Variants in BET1 observed in about 807,000 individuals in gnomAD.
The protein encoded by BET1 is Bet1 golgi vesicular membrane trafficking protein, also known as BET1 homolog.
BET1 carries 9 observed loss-of-function variants against 13.9 expected under a neutral mutation model. That is an observed-to-expected ratio of 0.65 (90% CI 0.39 to 1.13). The LOEUF is 1.13. Ranked by LOEUF, BET1 falls within the 50% of genes most tolerant of loss-of-function variation. The probability of loss-of-function intolerance (pLI) is 0.01; values close to 1 mark genes in which losing one functional copy is unlikely to be tolerated. For synonymous variants in BET1, 39 were observed against 47.3 expected (o/e 0.82, Z 0.72); for missense variants, 127 against 133.6 (o/e 0.95, Z 0.24).
intron 4 of BET1, among the ~76,000 whole-genome samples, chr7:93,977,934 C>G (rs1040444306): frequency 3.3e-5 from 5 of 152,242 alleles, no homozygotes; most frequent in East Asian, 1.9e-4. Flanking sequence ...CACTTAGGAA[C>G]CTTCAATTCC....
intron 6 of BET1, among the ~76,000 whole-genome samples, chr7:93,971,865 G>T (rs1795263111): frequency 6.6e-6 from 1 of 151,078 alleles, no homozygotes; most frequent in Admixed American, 6.6e-5. Flanking sequence ...GAATTTTAAA[G>T]GTGCAGATAA....
chr7:93,997,210 C>T (rs139650086), intron 2 of BET1, among the ~76,000 whole-genome samples: 142 of 152,226 alleles, frequency 9.3e-4, no homozygotes, highest in African/African-American at 3.4e-3. Context: ...TGGTAAATCA[C>T]TGCAAATATT....
chr7:93,994,210 C>A lies in BET1; in HGVS notation c.*20G>T. 6.3e-7 allele frequency: 1 copy of A among 1,580,304 alleles called. No individual in the cohort carries two copies. The highest frequency in any genetic ancestry group is 1.4e-5 in the African/African-American group (1 of 73,592). ...CAAGCCATTAAGTTGGAACAAATTC[C>A]AAATTCACAATTACATGCATCACCT... On this transcript the variant is annotated 3_prime_UTR_variant, in exon 4 of 4. Coordinates refer to ENST00000222547, the MANE Select transcript of BET1 (RefSeq NM_005868.6).
chr7:93,981,811 T>C (rs1323970259), intron 4 of BET1, among the ~76,000 whole-genome samples: 1 of 152,180 alleles, frequency 6.6e-6, no homozygotes, highest in Non-Finnish European at 1.5e-5. Context: ...GGAGCAGACA[T>C]TGCAGTCAGT....
chr7:93,975,081 T>C (rs1795315900), intron 5 of BET1, among the ~76,000 whole-genome samples: 1 of 152,044 alleles, frequency 6.6e-6, no homozygotes, highest in Non-Finnish European at 1.5e-5. Context: ...ACCAGGACTC[T>C]TCAGAAGTGT....
intron 1 of BET1, chr7:94,000,455 A>G (rs77506116): frequency 0.044 from 6,694 of 152,214 alleles, 213 homozygotes; most frequent in East Asian, 0.15. Context: ...AAAACGGGCT[A>G]TCTGCTGAAG....
At chr7:93,969,983 T>C (rs1329972880) in intron 6 of BET1, among the ~76,000 whole-genome samples, 1 of 151,850 alleles carries the variant, frequency 6.6e-6, no homozygotes, top group Non-Finnish European at 1.5e-5. Context: ...ATTTGATGAA[T>C]TTCTATATGC....
chr7:93,980,275 G>T lies in BET1; in HGVS notation c.236-4175C>A, dbSNP rs1025255420. Among the ~76,000 whole-genome samples the T allele has an allele frequency of 2.6e-5, 4 of 152,070 alleles. 1 individual carries two copies. The highest frequency in any genetic ancestry group is 2.6e-4 in the Admixed American group (4 of 15,248). ...GGAGGAAGGCTTCCAAATCCATTTT[G>T]CAGGACCAGCATTATCCTGACACCA... On this transcript the variant is annotated intron_variant and NMD_transcript_variant, in intron 4 of 6. Transcript: ENST00000357520.
chr7:94,004,135 C>T, intron 1 of BET1, 63 bp downstream of exon 1: 1 of 1,612,694 alleles, frequency 6.2e-7, no homozygotes, highest in Non-Finnish European at 8.5e-7. Flanking sequence ...GTTCGATTTC[C>T]TCCCGCGCCC....
chr7:93,975,958 T>C, exon 5 of BET1: 1 of 1,262,120 alleles, frequency 7.9e-7, no homozygotes, highest in Non-Finnish European at 1.0e-6. Context: ...CATGTCATGA[T>C]ATAATTCTGC....
chr7:93,993,940 A>C lies in BET1; in HGVS notation c.*290T>G. On this transcript the variant is annotated 3_prime_UTR_variant, in exon 4 of 4. Transcript: ENST00000222547. ...ATTTATGATTACAACAAAATATTAT[A>C]ATGCTATTTAATCTGACAGTTGGCA... 6.5e-7 allele frequency: 1 copy of C among 1,535,118 alleles called. No homozygotes were observed. Among genetic ancestry groups the C allele is most frequent in the Non-Finnish European group, 8.7e-7 (1 of 1,146,528 alleles).
At chr7:93,991,295 G>T (rs1795628180), downstream of BET1, among the ~76,000 whole-genome samples, 1 of 152,182 alleles carries the variant, frequency 6.6e-6, no homozygotes, top group African/African-American at 2.4e-5. Flanking sequence ...CCTTTGAAAG[G>T]TATCATTCTC....
intron 4 of BET1, among the ~76,000 whole-genome samples, chr7:93,985,452 C>A (rs913743271): frequency 6.6e-6 from 1 of 152,078 alleles, no homozygotes; most frequent in Non-Finnish European, 1.5e-5. Context: ...CTGTCTCTCA[C>A]CCAATAAATG....
chr7:93,993,024 C>T (rs186510990), downstream of BET1: 3 of 983,660 alleles, frequency 3.0e-6, no homozygotes, highest in East Asian at 1.1e-4. Context: ...TAGGGATGAA[C>T]AAAAAGAATT....
chr7:93,990,590 C>T (rs1280577382), downstream of BET1, among the ~76,000 whole-genome samples: 2 of 152,050 alleles, frequency 1.3e-5, no homozygotes, highest in African/African-American at 2.4e-5. Flanking sequence ...CCAAAATCAT[C>T]GATCTTTGAG....
chr7:93,984,317 C>T (rs1388721035), intron 4 of BET1, among the ~76,000 whole-genome samples: 2 of 152,152 alleles, frequency 1.3e-5, no homozygotes, highest in Non-Finnish European at 2.9e-5. Flanking sequence ...ATTATATCTG[C>T]AATGATGCTA....
chr7:93,986,182 C>T (rs2116083700), intron 4 of BET1, among the ~76,000 whole-genome samples: 1 of 152,224 alleles, frequency 6.6e-6, no homozygotes, highest in East Asian at 1.9e-4. Context: ...TCAATTATAC[C>T]TGTGAACATG....
chr7:93,984,070 G>A (rs1330074150), intron 4 of BET1, among the ~76,000 whole-genome samples: 3 of 152,146 alleles, frequency 2.0e-5, no homozygotes, highest in African/African-American at 7.2e-5. Flanking sequence ...ATGTTGGCAA[G>A]GCCATGCTCT....
chr7:94,004,116 A>G (rs958589572), intron 1 of BET1, 82 bp downstream of exon 1: 11 of 1,598,170 alleles, frequency 6.9e-6, no homozygotes, highest in South Asian at 1.1e-5. Context: ...TGCCAGGAAC[A>G]TAAGACAGGT....
Sources: gnomAD v4.1 joint callset for allele counts (sites outside exome capture counted in the v4.1 genomes callset) on GRCh38, gnomAD v4.1.1 for gene constraint, MANE v1.5 for transcripts, NCBI Gene and HGNC (gene_info 2026-07-23, HGNC 2026-07-21) for gene names.